ZZEF1: variants seen among roughly 807,000 people sequenced by gnomAD.
The protein encoded by ZZEF1 is zinc finger ZZ-type and EF-hand domain containing 1.
In ZZEF1, 157 loss-of-function variants were observed where a neutral mutation model predicts 342.8. The observed-to-expected ratio is 0.46, with a 90% CI of 0.40 to 0.52. The LOEUF (loss-of-function observed/expected upper bound fraction) is 0.52. Ranked by LOEUF, ZZEF1 falls within the 20% of genes least tolerant of loss-of-function variation. The pLI is 0.00. For missense variants in ZZEF1, 3,480 were observed against 3,725.6 expected (o/e 0.93, Z 1.72); for synonymous variants, 1,505 against 1,429.1 (o/e 1.05, Z -1.20).
Position 4,075,341 on chromosome 17 carries a change from T to C in ZZEF1, c.3323A>G (p.His1108Arg). 3.1e-6 allele frequency: 5 copies of C among 1,614,270 alleles called. No individual in the cohort carries two copies. The highest frequency in any genetic ancestry group is 4.2e-6 in the Non-Finnish European group (5 of 1,180,040). Residue 1108 changes from histidine (H) to arginine (R), a missense_variant, in exon 22 of 55, where the codon CAT becomes CGT. His to Arg is a conservative substitution (Grantham distance 29). Transcript: ENST00000381638. ...TGGGCTAACAAAGACGGATACCTCA[T>C]GGCAATTATTTTCATAGTTGTGGGC... ...ESAHNYENNC[H>R]EVSVFVSPGA...
At position 4,051,974 on chromosome 17, in the gene ZZEF1, TAGG is replaced by T; in HGVS notation, c.5594_5596del (p.Ser1865del). 6.2e-7 allele frequency: 1 copy of T among 1,613,700 alleles called. No homozygotes were observed. On this transcript the variant is annotated inframe_deletion, in exon 35 of 55. Coordinates refer to ENST00000381638, the MANE Select transcript of ZZEF1 (RefSeq NM_015113.4). ...GCGACGGTCACTTGAGACATACCCG[TAGG>T]AGTATTTCTTCGCTGCATAGCATCC...
chr17:4,123,912 A>G lies in ZZEF1; in HGVS notation c.494T>C (p.Val165Ala), dbSNP rs1378331418. The change falls in exon 2 of 55, where the codon GTT (valine) becomes GCT (alanine). Residue 165 changes from valine to alanine, a missense_variant. Around this residue, in one of 5 missense-constraint regions of ZZEF1, gnomAD observed 416 missense variants for 374.2 expected, o/e 1.11. Transcript: ENST00000381638. Reference sequence around the variant, plus strand: ...CACCTAGATGGAAGCCTCACCTGGAACCAGAGAGCAGGCCTGTAGTTGTCT... The same window carrying G: ...CACCTAGATGGAAGCCTCACCTGGAGCCAGAGAGCAGGCCTGTAGTTGTCT... ...IIRQLQACSL[V>A]PGFTDIFSES... 6.2e-7 allele frequency: 1 copy of G among 1,613,122 alleles called. No individual in the cohort carries two copies. The highest frequency in any genetic ancestry group is 1.3e-5 in the African/African-American group (1 of 74,942).
At chr17:4,066,057 C>G (rs9912870) in intron 28 of ZZEF1, among the ~76,000 whole-genome samples, 24,381 of 152,094 alleles carry the variant, frequency 0.16, 2,176 homozygotes, top group African/African-American at 0.24. Flanking sequence ...GTCCCAGCTA[C>G]CCGGTAGGCT....
In ZZEF1 at chr17:4,016,631, A is replaced by C; in HGVS notation, c.8002-165T>G. On this transcript the variant is annotated intron_variant, in intron 48 of 54. Coordinates refer to ENST00000381638, the MANE Select transcript of ZZEF1 (RefSeq NM_015113.4). This position sits in a 1 kb window ranked among gnomAD's most constrained non-coding sequence, Gnocchi z 4.4. ...AAACCAACTCCACCAGCCACCTCTC[A>C]CTTGACCAGGCTCTTGGTGTCAATC... 3.0e-6 allele frequency: 2 copies of C among 672,428 alleles called. No homozygotes were observed. The highest frequency in any genetic ancestry group is 4.9e-6 in the Non-Finnish European group (2 of 407,896). The allele number at this position is 672,428 out of a possible 1,614,324, so 41.7% of individuals were successfully genotyped here.
rs1025510403 is a variant in ZZEF1, at chr17:4,005,377, C to T, written c.*1513G>A. The T allele has an allele frequency of 2.6e-5, 4 of 152,458 alleles. No homozygotes were observed. Among genetic ancestry groups the T allele is most frequent in the African/African-American group, 9.6e-5 (4 of 41,486 alleles). 9.4% of individuals were successfully genotyped at this position (152,458 alleles called of 1,614,324 possible). On this transcript the variant is annotated 3_prime_UTR_variant, in exon 55 of 55. Transcript: ENST00000381638. ...CCAGGCCTTTCCACCAGGGCAATGG[C>T]CTCAGTCCTCAGGCCACCAAGTTCC...
chr17:4,100,129 C>T (rs1020023856), intron 9 of ZZEF1, among the ~76,000 whole-genome samples: 1 of 152,124 alleles, frequency 6.6e-6, no homozygotes, highest in African/African-American at 2.4e-5. Flanking sequence ...GGTACTTCCC[C>T]ACTGTTGGAG....
chr17:4,050,002 C>T (rs1281228456), intron 36 of ZZEF1, 143 bp from the exon 37 acceptor site: 7 of 886,508 alleles, frequency 7.9e-6, no homozygotes. Flanking sequence ...TCAACGTGAA[C>T]ATCCCTCGCT....
At chr17:4,115,022 T>A (rs1300357296) in intron 3 of ZZEF1, among the ~76,000 whole-genome samples, 4 of 152,020 alleles carry the variant, frequency 2.6e-5, no homozygotes. Context: ...CCCACGTGCT[T>A]TTTTTTGTTG....
At position 4,124,139 on chromosome 17, in the gene ZZEF1, C is replaced by A. The variant is rs139901148; in HGVS notation, c.355-88G>T. On this transcript the variant is annotated intron_variant, in intron 1 of 54. Transcript: ENST00000381638. ...TTCTTTTATTTAAAATTCTCGAGACCGGTGATTTATTTATTTTTGGTTGCA... is the reference window on the plus strand; with the variant it reads ...TTCTTTTATTTAAAATTCTCGAGACAGGTGATTTATTTATTTTTGGTTGCA... 241 of 1,433,384 alleles carry A rather than the reference C, an allele frequency of 1.7e-4. 1 individual carries two copies. In the East Asian group the frequency reaches 4.2e-3, roughly 25 times the overall value. The allele number at this position is 1,433,384 out of a possible 1,614,324, so 88.8% of individuals were successfully genotyped here. A position where few individuals can be genotyped will look rare whatever the true frequency, so the allele number is the denominator to read the frequency against.
chr17:4,050,426 C>T (rs966284869), intron 36 of ZZEF1, among the ~76,000 whole-genome samples: 4 of 152,186 alleles, frequency 2.6e-5, no homozygotes. Flanking sequence ...CTAGAATACA[C>T]TTGTGTGGAA....
chr17:4,013,657 TA>T, intron 51 of ZZEF1, 43 bp from the exon 52 acceptor site: 1 of 1,545,616 alleles, frequency 6.5e-7, no homozygotes, highest in Non-Finnish European at 8.7e-7. Flanking sequence ...CAGAGATACG[TA>T]ATAAGTAATA....
Position 4,090,724 on chromosome 17 carries a change from C to T in ZZEF1, c.2020G>A (p.Ala674Thr), listed in dbSNP as rs1299511999. 1.2e-6 allele frequency: 2 copies of T among 1,613,846 alleles called. No homozygotes were observed. The highest frequency in any genetic ancestry group is 2.2e-5 in the South Asian group (2 of 91,082). Residue 674 changes from alanine to threonine, a missense_variant, in exon 12 of 55, where the codon GCC (alanine) becomes ACC (threonine). By Grantham distance (58) the Ala-to-Thr change is moderately conservative. Coordinates refer to ENST00000381638, the MANE Select transcript of ZZEF1 (RefSeq NM_015113.4). ...ADVKLQQCRVAKYLMVKFLCT... is the reference protein window; with the variant it reads ...ADVKLQQCRVTKYLMVKFLCT... The stretch of plus-strand genomic sequence containing the variant: ...AACGACGCACTAATGCTTACTTTGG[C>T]AACTCTGCACTGTTGCAGCTTCACA...
At chr17:4,040,626 A>G (rs2056782582) in intron 39 of ZZEF1, among the ~76,000 whole-genome samples, 1 of 152,238 alleles carries the variant, frequency 6.6e-6, no homozygotes, top group African/African-American at 2.4e-5. Flanking sequence ...CCATGTTTCT[A>G]TAAGAAATAT....
At position 4,036,813 on chromosome 17, in the gene ZZEF1, ACACACTCT is replaced by A. The variant is rs771564312; in HGVS notation, c.6307-2529_6307-2522del. Among the ~76,000 whole-genome samples the A allele has an allele frequency of 8.0e-3, 770 of 96,574 alleles. 5 individuals carry two copies. Among genetic ancestry groups the A allele is most frequent in the South Asian group, 0.019 (60 of 3,176 alleles). The allele number at this position is 96,574 out of a possible 152,430, so 63.4% of individuals were successfully genotyped here. ...CACACACACACACACACACACACAC[ACACACTCT>A]CTCTCTCTCTCTCTCTCTCTCTCCC... On this transcript the variant is annotated intron_variant, in intron 39 of 54. Coordinates refer to ENST00000381638, the MANE Select transcript of ZZEF1 (RefSeq NM_015113.4).
chr17:4,087,162 G>A (rs1307824971), intron 14 of ZZEF1, among the ~76,000 whole-genome samples: 2 of 152,176 alleles, frequency 1.3e-5, no homozygotes, highest in Non-Finnish European at 2.9e-5. Flanking sequence ...TTACAGGCGT[G>A]AGCCACCGCG....
At chr17:4,050,659 C>CACCAACAT in intron 36 of ZZEF1, 122 bp downstream of exon 36, 1 of 1,404,498 alleles carries the variant, frequency 7.1e-7, no homozygotes, top group Non-Finnish European at 9.7e-7. Flanking sequence ...CCAGGGTAAG[C>CACCAACAT]CCCTTTTGTG....
chr17:4,033,226 T>G (rs1437704740), intron 40 of ZZEF1: 1 of 464,830 alleles, frequency 2.2e-6, no homozygotes, highest in Admixed American at 3.4e-5. Context: ...TCCAAAAATA[T>G]CTATAAAAAT....
intron 2 of ZZEF1, among the ~76,000 whole-genome samples, chr17:4,123,133 A>G (rs1315417420): frequency 2.0e-5 from 3 of 150,212 alleles, no homozygotes; most frequent in Non-Finnish European, 4.5e-5. Flanking sequence ...TGTTAGCCAG[A>G]ATGATCTCGA....
At position 4,075,288 on chromosome 17, in the gene ZZEF1, C is replaced by T. The variant is rs776291459; in HGVS notation, c.3376G>A (p.Asp1126Asn). 2 of 1,614,188 alleles carry T rather than the reference C, an allele frequency of 1.2e-6. No homozygotes were observed. Among genetic ancestry groups the T allele is most frequent in the Non-Finnish European group, 1.7e-6 (2 of 1,180,026 alleles). ...PGATYFEVEF[D>N]DRCETEKRYD... ...CTTTTTTCAGTTTCACACCTGTCAT[C>T]GAATTCCACTTCAAAATAGGTTGCC... Residue 1126 changes from aspartate (D) to asparagine (N), a missense_variant, in exon 22 of 55, where the codon GAT becomes AAT. This residue lies in a region of ZZEF1 where 1,528 missense variants were observed against 1,624.1 expected (regional missense o/e 0.94). Transcript: ENST00000381638.
Sources: allele counts gnomAD v4.1 joint callset (sites outside exome capture counted in the v4.1 genomes callset), GRCh38; gene constraint gnomAD v4.1.1; regional missense constraint gnomAD v4.1.1; non-coding constraint Gnocchi (gnomAD v3.1); transcripts MANE v1.5; gene names NCBI Gene and HGNC (gene_info 2026-07-23, HGNC 2026-07-21).